The following TBX19 variants were observed in gnomAD, a reference collection of about 807,000 sequenced individuals.
TBX19 encodes the protein T-box transcription factor 19, also known as T-box transcription factor TBX19.
In TBX19, 33 loss-of-function variants were observed where a neutral mutation model predicts 40.9. That is an observed-to-expected ratio of 0.81 (90% CI 0.61 to 1.08). The LOEUF is 1.08. TBX19 is among the 50% of genes least tolerant of loss of function. TBX19 has a pLI of 0.00. For synonymous variants in TBX19, 220 were observed against 225.0 expected, an observed-to-expected ratio of 0.98 and a Z score of 0.20; for missense variants, 494 against 574.0, an observed-to-expected ratio of 0.86 and a Z score of 1.42.
intron 6 of TBX19, among the ~76,000 whole-genome samples, chr1:168,306,363 C>T (rs1347526758): frequency 6.6e-6 from 1 of 152,166 alleles, no homozygotes; most frequent in East Asian, 1.9e-4. Context: ...AGCGGTGGTT[C>T]ACGCCTGTAA....
chr1:168,298,422 C>T (rs1572478821), intron 4 of TBX19, among the ~76,000 whole-genome samples: 2 of 152,158 alleles, frequency 1.3e-5, no homozygotes, highest in East Asian at 3.9e-4. Context: ...TTCCTAATTA[C>T]TTCTGAGTAG....
intron 6 of TBX19, chr1:168,308,304 T>G: frequency 4.0e-6 from 1 of 251,122 alleles, no homozygotes; most frequent in Non-Finnish European, 7.8e-6. Flanking sequence ...CTTGAGATAT[T>G]TAAACCTACT....
chr1:168,297,729 G>A lies in TBX19; in HGVS notation c.609G>A (p.Thr203=), dbSNP rs199994044. Residue 203 remains threonine (T), a synonymous_variant, in exon 4 of 8, where the codon ACG becomes ACA. Transcript: ENST00000367821. ...AVTAYQNEEI[T]ALKIKYNPFA... ...CTTGTCTTTGTAAATGCAAGATAAC[G>A]GCTCTCAAAATCAAGTACAATCCTT... 2.2e-5 allele frequency: 35 copies of A among 1,614,042 alleles called. No homozygotes were observed. The highest frequency in any genetic ancestry group is 1.1e-4 in the East Asian group (5 of 44,880).
chr1:168,308,782 C>G lies in TBX19; in HGVS notation c.957C>G (p.Phe319Leu). The part of the protein sequence containing the change: ...IESSSNNLQV[F>L]SGPDSWTSLS... ...GCTCAAGCAATAATCTGCAAGTTTT[C>G]TCGGGACCTGACAGCTGGACTTCCT... The change falls in exon 7 of 8, where the codon TTC becomes TTG. Residue 319 changes from phenylalanine (F) to leucine (L), a missense_variant. Physicochemically the swap from Phe to Leu is conservative, Grantham distance 22. Coordinates refer to ENST00000367821, the MANE Select transcript of TBX19 (RefSeq NM_005149.3). The G allele has an allele frequency of 6.2e-7, 1 of 1,614,104 alleles. No individual in the cohort carries two copies. The highest frequency in any genetic ancestry group is 2.2e-5 in the East Asian group (1 of 44,872).
chr1:168,285,577 A>G (rs1438338139), intron 1 of TBX19, among the ~76,000 whole-genome samples: 1 of 152,238 alleles, frequency 6.6e-6, no homozygotes, highest in African/African-American at 2.4e-5. Flanking sequence ...GCAAAGCCCA[A>G]CCACCTGTGG....
At chr1:168,297,406 C>T (rs753641356) in intron 3 of TBX19, among the ~76,000 whole-genome samples, 3 of 152,200 alleles carry the variant, frequency 2.0e-5, no homozygotes, top group Non-Finnish European at 4.4e-5. Flanking sequence ...TGCTAGGTTT[C>T]GCACATCAGG....
intron 1 of TBX19, among the ~76,000 whole-genome samples, chr1:168,290,635 C>A (rs1001957701): frequency 6.6e-6 from 1 of 152,180 alleles, no homozygotes; most frequent in Admixed American, 6.5e-5. Context: ...ACTGCAGCCT[C>A]TAACTCCTGT....
At chr1:168,294,845 G>A (rs1201443929) in intron 3 of TBX19, among the ~76,000 whole-genome samples, 1 of 152,046 alleles carries the variant, frequency 6.6e-6, no homozygotes, top group East Asian at 1.9e-4. Flanking sequence ...ATATCCTGGT[G>A]CATCTGTCAT....
chr1:168,284,266 C>T (rs927289410), intron 1 of TBX19, among the ~76,000 whole-genome samples: 3 of 152,186 alleles, frequency 2.0e-5, no homozygotes, highest in Admixed American at 6.5e-5. Context: ...CCTTAGAGCT[C>T]ATTTGAGTCA....
At chr1:168,288,573 C>T (rs1051630468) in intron 1 of TBX19, among the ~76,000 whole-genome samples, 1 of 152,142 alleles carries the variant, frequency 6.6e-6, no homozygotes, top group African/African-American at 2.4e-5. Flanking sequence ...TAAGTCATTT[C>T]TTAAATCATA....
In TBX19 at chr1:168,293,178, A is replaced by G. The variant is rs989987322; in HGVS notation, c.503A>G (p.Gln168Arg). 3 of 1,613,770 alleles carry G rather than the reference A, an allele frequency of 1.9e-6. No individual in the cohort carries two copies. Among genetic ancestry groups the G allele is most frequent in the African/African-American group, 1.3e-5 (1 of 74,864 alleles). ...AATTCTCTGCATAAATATGAACCCC[A>G]GGTTCACATAGTGCGTGTTGGAAGT... Reference protein sequence around the residue: ...MLNSLHKYEPQVHIVRVGSAH... With the variant: ...MLNSLHKYEPRVHIVRVGSAH... Residue 168 changes from glutamine (Q) to arginine (R), a missense_variant, in exon 3 of 8, where the codon CAG (glutamine) becomes CGG (arginine). Gln to Arg is a conservative substitution (Grantham distance 43). Transcript: ENST00000367821.
chr1:168,310,068 G>A (rs1345791810), intron 7 of TBX19, among the ~76,000 whole-genome samples: 2 of 152,070 alleles, frequency 1.3e-5, no homozygotes, highest in Admixed American at 6.6e-5. Flanking sequence ...TTGGGAGGCC[G>A]AGGCAGGTAG....
At chr1:168,296,225 A>C (rs1481625926) in intron 3 of TBX19, among the ~76,000 whole-genome samples, 1 of 152,072 alleles carries the variant, frequency 6.6e-6, no homozygotes, top group Non-Finnish European at 1.5e-5. Flanking sequence ...ACCAGGTTGT[A>C]CCTATCTGAC....
At chr1:168,302,407 G>A (rs1649300847) in intron 5 of TBX19, among the ~76,000 whole-genome samples, 1 of 152,170 alleles carries the variant, frequency 6.6e-6, no homozygotes, top group Non-Finnish European at 1.5e-5. Context: ...CCGAAGCCCA[G>A]GTGACAATCC....
chr1:168,300,385 G>T (rs1306215502), intron 4 of TBX19, 37 bp from the exon 5 acceptor site: 5 of 1,607,866 alleles, frequency 3.1e-6, no homozygotes, highest in African/African-American at 1.3e-5. Flanking sequence ...TACATAAAAA[G>T]TTGGACAGCC....
chr1:168,308,866 T>C lies in TBX19; in HGVS notation c.1041T>C (p.Asn347=). 1 of 1,614,022 alleles carries C rather than the reference T, an allele frequency of 6.2e-7. No individual in the cohort carries two copies. Among genetic ancestry groups the C allele is most frequent in the Non-Finnish European group, 8.5e-7 (1 of 1,180,008 alleles). Residue 347 remains asparagine (N), a synonymous_variant, in exon 7 of 8, where the codon AAT becomes AAC. Transcript: ENST00000367821. ...TACCCCACACCAACGGACCAATCAA[T>C]CCAGGGCCCAGGTAAGACCAACACC... ...LSVPHTNGPI[N]PGPSPYPCLW...
chr1:168,309,582 A>G (rs1413676638), intron 7 of TBX19, among the ~76,000 whole-genome samples: 7 of 152,054 alleles, frequency 4.6e-5, no homozygotes, highest in Non-Finnish European at 7.4e-5. Flanking sequence ...TAAAAGGGGG[A>G]CATATTGTGG....
intron 1 of TBX19, among the ~76,000 whole-genome samples, chr1:168,282,022 AG>A (rs1200258782): frequency 6.6e-6 from 1 of 152,250 alleles, no homozygotes; most frequent in East Asian, 1.9e-4. Flanking sequence ...AGGTAATATT[AG>A]AAGATTTCAC....
At chr1:168,285,780 A>G (rs1048282578) in intron 1 of TBX19, among the ~76,000 whole-genome samples, 2 of 152,200 alleles carry the variant, frequency 1.3e-5, no homozygotes, top group Admixed American at 6.5e-5. Context: ...AAAAATGGGG[A>G]AAAAAATCAC....
Sources: gnomAD v4.1 joint callset for allele counts (sites outside exome capture counted in the v4.1 genomes callset) on GRCh38, gnomAD v4.1.1 for gene constraint, MANE v1.5 for transcripts, NCBI Gene and HGNC (gene_info 2026-07-23, HGNC 2026-07-21) for gene names.